The following FRMPD4 variants were observed in gnomAD, a reference collection of about 807,000 sequenced individuals.
FRMPD4 encodes the protein FERM and PDZ domain containing 4, also known as FERM and PDZ domain-containing protein 4.
A neutral mutation model predicts 94.1 loss-of-function variants in FRMPD4; 22 were observed. The observed-to-expected ratio is 0.23, with a 90% CI of 0.17 to 0.33. The LOEUF (loss-of-function observed/expected upper bound fraction) is 0.33. Ranked by LOEUF, FRMPD4 falls within the 10% of genes least tolerant of loss-of-function variation. The probability of loss-of-function intolerance (pLI) is 1.00; values close to 1 mark genes in which losing one functional copy is unlikely to be tolerated. For missense variants in FRMPD4, 1,111 were observed against 1,339.9 expected (o/e 0.83, Z 2.67); for synonymous variants, 631 against 548.6 (o/e 1.15, Z -2.10).
chrX:12,035,776 G>A (rs1209269433), intron 3 of FRMPD4, among the ~76,000 whole-genome samples: 2 of 111,268 alleles, frequency 1.8e-5, no homozygotes, highest in Non-Finnish European at 3.8e-5. Context: ...CAAGCCTCAC[G>A]TTGCTACAGG....
chrX:12,473,334 C>A (rs1423046511), intron 1 of FRMPD4, among the ~76,000 whole-genome samples: 1 of 110,022 alleles, frequency 9.1e-6, no homozygotes, highest in Non-Finnish European at 1.9e-5. Context: ...TGGAAAGGAA[C>A]AACTGGTACC....
chrX:11,922,060 T>C (rs1371343356), intron 3 of FRMPD4, among the ~76,000 whole-genome samples: 1 of 111,992 alleles, frequency 8.9e-6, no homozygotes, highest in African/African-American at 3.3e-5. Flanking sequence ...ATTTCTTTGA[T>C]GAGAATTAAT....
chrX:12,366,897 A>G (rs1021815899), intron 1 of FRMPD4, among the ~76,000 whole-genome samples: 1 of 111,450 alleles, frequency 9.0e-6, no homozygotes, highest in African/African-American at 3.3e-5. Context: ...GGACCAGGGT[A>G]GAGGGGTACC....
At chrX:12,314,738 CT>C (rs1356441860) in intron 1 of FRMPD4, among the ~76,000 whole-genome samples, 1 of 110,718 alleles carries the variant, frequency 9.0e-6, no homozygotes, top group Non-Finnish European at 1.9e-5. Flanking sequence ...TTTCTCCCTC[CT>C]GAATGTGTCA....
At chrX:12,246,815 G>A (rs932546893) in intron 1 of FRMPD4, among the ~76,000 whole-genome samples, 11 of 110,917 alleles carry the variant, frequency 9.9e-5, no homozygotes, top group Non-Finnish European at 7.5e-5. Flanking sequence ...TTCCATTAAC[G>A]TGATGGTCAT....
intron 1 of FRMPD4, among the ~76,000 whole-genome samples, chrX:12,149,786 G>A (rs1677899765): frequency 8.9e-6 from 1 of 111,962 alleles, no homozygotes; most frequent in African/African-American, 3.3e-5. Context: ...ATGCTACAGA[G>A]AAATCTTTCA....
chrX:12,563,696 C>A (rs777024928), intron 2 of FRMPD4, among the ~76,000 whole-genome samples: 2 of 112,126 alleles, frequency 1.8e-5, no homozygotes, highest in South Asian at 3.8e-4. Context: ...CAACACACAA[C>A]TTTACCTGCC....
intron 3 of FRMPD4, among the ~76,000 whole-genome samples, chrX:11,878,399 A>G (rs972730091): frequency 8.9e-6 from 1 of 112,230 alleles, no homozygotes; most frequent in African/African-American, 3.2e-5. Context: ...TTTTGGCTGC[A>G]CTTTTTACAA....
chrX:12,670,923 G>A (rs1413611341), intron 4 of FRMPD4, among the ~76,000 whole-genome samples: 2 of 112,190 alleles, frequency 1.8e-5, no homozygotes, highest in Non-Finnish European at 3.8e-5. Flanking sequence ...CAAAAAGTGG[G>A]CGAAGGATAT....
At chrX:12,069,427 G>A (rs2054947662) in intron 3 of FRMPD4, among the ~76,000 whole-genome samples, 1 of 111,696 alleles carries the variant, frequency 9.0e-6, no homozygotes, top group Non-Finnish European at 1.9e-5. Flanking sequence ...AGAGAGAATG[G>A]GAGTCCAGGC....
intron 1 of FRMPD4, among the ~76,000 whole-genome samples, chrX:12,230,945 G>C (rs1782715421): frequency 5.7e-5 from 4 of 70,433 alleles, no homozygotes; most frequent in African/African-American, 1.2e-4. Context: ...ACTATATATA[G>C]TAATATAGTA....
At chrX:11,863,178 C>G (rs763645242) in intron 1 of FRMPD4, among the ~76,000 whole-genome samples, 41 of 108,071 alleles carry the variant, frequency 3.8e-4, no homozygotes, top group Non-Finnish European at 3.4e-4. Context: ...CCTCTCCCCC[C>G]ACCCCACAAC....
At chrX:11,844,658 A>G (rs1442308578) in intron 1 of FRMPD4, among the ~76,000 whole-genome samples, 6 of 111,306 alleles carry the variant, frequency 5.4e-5, no homozygotes, top group Admixed American at 3.8e-4. Context: ...GCTGCTTTCA[A>G]GATTTTCTGT....
At chrX:12,592,078 C>G (rs758612125) in intron 2 of FRMPD4, among the ~76,000 whole-genome samples, 2 of 111,582 alleles carry the variant, frequency 1.8e-5, no homozygotes, top group African/African-American at 6.5e-5. Flanking sequence ...TCTCCCTTCT[C>G]CCTTGAAGAC....
At chrX:12,187,558 G>GT (rs1306493488) in intron 1 of FRMPD4, among the ~76,000 whole-genome samples, 1 of 111,177 alleles carries the variant, frequency 9.0e-6, no homozygotes, top group South Asian at 3.8e-4. Flanking sequence ...GTCCTGGTTT[G>GT]TTAGTGAGTT....
chrX:12,425,674 G>A (rs1471222745), intron 1 of FRMPD4, among the ~76,000 whole-genome samples: 1 of 111,595 alleles, frequency 9.0e-6, no homozygotes, highest in East Asian at 2.8e-4. Flanking sequence ...GGCCAGAGAT[G>A]TTGCTAAACA....
intron 1 of FRMPD4, among the ~76,000 whole-genome samples, chrX:12,186,503 G>C (rs115690136): frequency 9.0e-6 from 1 of 110,904 alleles, no homozygotes; most frequent in Non-Finnish European, 1.9e-5. Context: ...TAATACAATA[G>C]TATCCCAAAG....
At chrX:12,193,974 C>T (rs763863040) in intron 1 of FRMPD4, among the ~76,000 whole-genome samples, 8 of 108,617 alleles carry the variant, frequency 7.4e-5, no homozygotes, top group Non-Finnish European at 1.5e-4. Context: ...CAGTACCTGC[C>T]TGAAGAGTTC....
chrX:12,110,442 G>A (rs1486487872), intron 3 of FRMPD4, among the ~76,000 whole-genome samples: 1 of 111,883 alleles, frequency 8.9e-6, no homozygotes, highest in Non-Finnish European at 1.9e-5. Flanking sequence ...AGCTATTTAT[G>A]ACAAACTCAC....
Sources: gnomAD v4.1 joint callset for allele counts (sites outside exome capture counted in the v4.1 genomes callset) on GRCh38, gnomAD v4.1.1 for gene constraint, MANE v1.5 for transcripts, NCBI Gene and HGNC (gene_info 2026-07-23, HGNC 2026-07-21) for gene names.